Variants in ZNF346 observed in about 807,000 individuals in gnomAD.
ZNF346 encodes the protein zinc finger protein 346.
In ZNF346, 23 loss-of-function variants were observed where a neutral mutation model predicts 33.7. That is an observed-to-expected ratio of 0.68 (90% CI 0.49 to 0.97). The LOEUF (loss-of-function observed/expected upper bound fraction) is 0.97, where lower values mean the gene tolerates loss of function less well. Ranked by LOEUF, ZNF346 falls within the 50% of genes least tolerant of loss-of-function variation. The pLI, the probability that ZNF346 is intolerant of heterozygous loss-of-function variation, is 0.00. For missense variants in ZNF346, 340 were observed against 371.1 expected (o/e 0.92, Z 0.69); for synonymous variants, 134 against 142.4 (o/e 0.94, Z 0.42).
intron 2 of ZNF346, among the ~76,000 whole-genome samples, chr5:177,041,515 T>C (rs1379366495): frequency 1.3e-5 from 2 of 152,202 alleles, no homozygotes; most frequent in Non-Finnish European, 2.9e-5. Flanking sequence ...CTGCTACTCA[T>C]CTTGAGCAAG....
chr5:177,023,225 T>TG, intron 1 of ZNF346: 1 of 1,536,384 alleles, frequency 6.5e-7, no homozygotes, highest in Non-Finnish European at 8.7e-7. Flanking sequence ...CTACAGTCTT[T>TG]GCCATCCCGG....
At chr5:177,081,042 A>G (rs924335005) in exon 9 of ZNF346, 1 of 152,120 alleles carries the variant, frequency 6.6e-6, no homozygotes, top group Non-Finnish European at 1.5e-5. Context: ...CAGGAGTTCA[A>G]GACCAGCCTG....
intron 4 of ZNF346, among the ~76,000 whole-genome samples, chr5:177,049,069 AG>A (rs1275090241): frequency 6.6e-6 from 1 of 152,152 alleles, no homozygotes; most frequent in Admixed American, 6.6e-5. Context: ...TACAGGCACA[AG>A]CCATTGCGCC....
chr5:177,048,431 G>A (rs565263394), intron 4 of ZNF346, among the ~76,000 whole-genome samples: 1 of 152,258 alleles, frequency 6.6e-6, no homozygotes, highest in South Asian at 2.1e-4. Flanking sequence ...AGACCAGCCT[G>A]ACCAACATGG....
intron 3 of ZNF346, among the ~76,000 whole-genome samples, chr5:177,042,888 G>C (rs926148524): frequency 4.6e-5 from 7 of 151,882 alleles, no homozygotes; most frequent in African/African-American, 1.4e-4. Context: ...ACACCACCAC[G>C]CCTGGCTAAC....
At position 177,066,710 on chromosome 5, in the gene ZNF346, C is replaced by T. The variant is rs1242971695; in HGVS notation, c.*2111C>T. Reference sequence around the variant, plus strand: ...ATCATGCCTGTGAATAACCACTGCACTCCAGCCAGGGCAACATAACAAGAC... The same window carrying T: ...ATCATGCCTGTGAATAACCACTGCATTCCAGCCAGGGCAACATAACAAGAC... On this transcript the variant is annotated 3_prime_UTR_variant, in exon 7 of 7. Coordinates refer to ENST00000358149, the MANE Select transcript of ZNF346 (RefSeq NM_012279.4). Among the ~76,000 whole-genome samples, 2 of 151,258 alleles carry T rather than the reference C, an allele frequency of 1.3e-5. No individual in the cohort carries two copies. Among genetic ancestry groups the T allele is most frequent in the Non-Finnish European group, 1.5e-5 (1 of 67,860 alleles).
chr5:177,043,886 C>T (rs999541326), intron 3 of ZNF346, among the ~76,000 whole-genome samples: 1 of 152,174 alleles, frequency 6.6e-6, no homozygotes, highest in Non-Finnish European at 1.5e-5. Context: ...GTTCCAATGT[C>T]ACACTTGAGT....
At chr5:177,045,358 TA>T (rs1459857889) in intron 4 of ZNF346, among the ~76,000 whole-genome samples, 1 of 151,902 alleles carries the variant, frequency 6.6e-6, no homozygotes, top group Non-Finnish European at 1.5e-5. Flanking sequence ...AAATCACTCA[TA>T]ATTTTTTTTT....
At chr5:177,078,284 G>C (rs1474556071) in intron 8 of ZNF346, among the ~76,000 whole-genome samples, 1 of 152,226 alleles carries the variant, frequency 6.6e-6, no homozygotes, top group South Asian at 2.1e-4. Flanking sequence ...AGCAACAAAG[G>C]CAGCATAAGC....
At chr5:177,053,660 C>T (rs1477740273) in intron 5 of ZNF346, among the ~76,000 whole-genome samples, 1 of 152,072 alleles carries the variant, frequency 6.6e-6, no homozygotes, top group Admixed American at 6.6e-5. Flanking sequence ...ATGAGTTTTT[C>T]TTACATGTGT....
intron 4 of ZNF346, among the ~76,000 whole-genome samples, chr5:177,046,346 C>T (rs186170483): frequency 5.1e-4 from 77 of 150,826 alleles, no homozygotes; most frequent in Non-Finnish European, 1.0e-3. Context: ...ACAGACTTCT[C>T]TTCCCACAAA....
chr5:177,024,591 C>T (rs577809846), intron 1 of ZNF346, among the ~76,000 whole-genome samples: 68 of 152,286 alleles, frequency 4.5e-4, no homozygotes, highest in African/African-American at 1.6e-3. Flanking sequence ...GCTCTGGACC[C>T]GGAACTGGTT....
In ZNF346 at chr5:177,041,176, A is replaced by G. The variant is rs1216321265; in HGVS notation, c.226A>G (p.Lys76Glu). The G allele has an allele frequency of 4.3e-6, 7 of 1,614,112 alleles. No homozygotes were observed. The highest frequency in any genetic ancestry group is 1.3e-5 in the African/African-American group (1 of 74,940). ...ATGTCTCTTCACCAACACCCAGTGT[A>G]AGGTTTGCTGCGCCTTGCTTATTTC... ...NQCLFTNTQCKVCCALLISES... is the reference protein window; with the variant it reads ...NQCLFTNTQCEVCCALLISES... The change falls in exon 2 of 7, where the codon AAG becomes GAG. Residue 76 changes from lysine to glutamate, a missense_variant. By Grantham distance (56) the Lys-to-Glu change is moderately conservative. Transcript: ENST00000358149.
chr5:177,023,301 C>G, intron 1 of ZNF346: 1 of 1,157,222 alleles, frequency 8.6e-7, no homozygotes, highest in South Asian at 1.3e-5. Context: ...AGATTTCCTC[C>G]TAGGGCCTCT....
At position 177,022,781 on chromosome 5, in the gene ZNF346, G is replaced by T; in HGVS notation, c.43G>T (p.Gly15Ter). ...GGCCACGGTGCAGGCCGCGGACGGC[G>T]GAGCGGCCGGGCCTTACAGCAGCTC... ...APATVQAADG[G>*]AAGPYSSSEL... Residue 15 changes from glycine (G) to a stop codon, truncating the protein, a stop_gained, in exon 1 of 7, where the codon GGA becomes TGA. Coordinates refer to ENST00000358149, the MANE Select transcript of ZNF346 (RefSeq NM_012279.4). LOFTEE classifies it high-confidence loss of function. The T allele has an allele frequency of 6.5e-7, 1 of 1,549,594 alleles. No homozygotes were observed. The highest frequency in any genetic ancestry group is 8.7e-7 in the Non-Finnish European group (1 of 1,149,428).
At chr5:177,063,413 TCA>T (rs1171123019) in intron 6 of ZNF346, among the ~76,000 whole-genome samples, 3 of 152,238 alleles carry the variant, frequency 2.0e-5, no homozygotes, top group African/African-American at 7.2e-5. Flanking sequence ...GTCTCCTCTC[TCA>T]CACTGTAGCA....
At chr5:177,057,843 CAG>C (rs1562023031) in intron 5 of ZNF346, among the ~76,000 whole-genome samples, 1 of 136,802 alleles carries the variant, frequency 7.3e-6, no homozygotes, top group Admixed American at 7.4e-5. Context: ...TTTATTGAGA[CAG>C]AGTTTCGCTC....
intron 1 of ZNF346, among the ~76,000 whole-genome samples, chr5:177,034,163 G>A (rs539797265): frequency 5.4e-4 from 81 of 151,340 alleles, no homozygotes; most frequent in African/African-American, 1.8e-3. Flanking sequence ...GACTACAAGT[G>A]CATGCAGGCT....
At chr5:177,070,832 C>G (rs933584668), downstream of ZNF346, among the ~76,000 whole-genome samples, 2 of 151,958 alleles carry the variant, frequency 1.3e-5, no homozygotes, top group Admixed American at 1.3e-4. Context: ...TTACTGGGGC[C>G]CAGCGAAAAG....
Sources: gnomAD v4.1 joint callset for allele counts (sites outside exome capture counted in the v4.1 genomes callset) on GRCh38, gnomAD v4.1.1 for gene constraint, MANE v1.5 for transcripts, NCBI Gene and HGNC (gene_info 2026-07-23, HGNC 2026-07-21) for gene names.